The following NOS1AP variants were observed in gnomAD, a reference collection of about 807,000 sequenced individuals.
NOS1AP encodes nitric oxide synthase 1 adaptor protein.
A neutral mutation model predicts 56.2 loss-of-function variants in NOS1AP; 21 were observed. That is an observed-to-expected ratio of 0.37 (90% CI 0.26 to 0.54). The LOEUF is 0.54. Ranked by LOEUF, NOS1AP falls within the 20% of genes least tolerant of loss-of-function variation. The pLI is 0.84. For synonymous variants in NOS1AP, 270 were observed against 274.6 expected (o/e 0.98, Z 0.17); for missense variants, 522 against 657.8 (o/e 0.79, Z 2.26).
chr1:162,348,216 T>C (rs1657366229), intron 6 of NOS1AP, among the ~76,000 whole-genome samples: 2 of 152,242 alleles, frequency 1.3e-5, no homozygotes, highest in Admixed American at 1.3e-4. Context: ...GTTTGTTAAA[T>C]GCTTACTGTA....
chr1:162,170,932 C>T (rs1650747154), intron 2 of NOS1AP, among the ~76,000 whole-genome samples: 1 of 146,682 alleles, frequency 6.8e-6, no homozygotes, highest in Non-Finnish European at 1.5e-5. Flanking sequence ...AAGAGTGAAA[C>T]TCCATCTCAA....
intron 6 of NOS1AP, among the ~76,000 whole-genome samples, chr1:162,351,802 T>C (rs1657506134): frequency 6.6e-6 from 1 of 152,182 alleles, no homozygotes; most frequent in South Asian, 2.1e-4. Flanking sequence ...TTGTCTGTAC[T>C]CACTGTCTAT....
chr1:162,177,037 G>A (rs1651085776), intron 2 of NOS1AP, among the ~76,000 whole-genome samples: 2 of 152,082 alleles, frequency 1.3e-5, no homozygotes. Context: ...ATTCTACCTG[G>A]ACAATGTCAG....
chr1:162,261,720 T>G (rs1213059185), intron 2 of NOS1AP, among the ~76,000 whole-genome samples: 1 of 152,198 alleles, frequency 6.6e-6, no homozygotes, highest in East Asian at 1.9e-4. Context: ...AGAATCATTT[T>G]AGACTTCTGA....
intron 2 of NOS1AP, among the ~76,000 whole-genome samples, chr1:162,156,711 T>G (rs1571074457): frequency 6.6e-6 from 1 of 152,234 alleles, no homozygotes; most frequent in East Asian, 1.9e-4. Context: ...TAGGAATAGC[T>G]ACTTATGTGC....
intron 1 of NOS1AP, among the ~76,000 whole-genome samples, chr1:162,130,046 C>G (rs1648681471): frequency 6.6e-6 from 1 of 152,178 alleles, no homozygotes; most frequent in African/African-American, 2.4e-5. Flanking sequence ...GACTTTCTAT[C>G]TTTCTTAGTA....
At chr1:162,269,252 A>G (rs926746842) in intron 2 of NOS1AP, among the ~76,000 whole-genome samples, 4 of 152,212 alleles carry the variant, frequency 2.6e-5, no homozygotes, top group African/African-American at 9.7e-5. Context: ...AAGATAAAAT[A>G]TCCCTTACAG....
intron 2 of NOS1AP, among the ~76,000 whole-genome samples, chr1:162,219,398 G>C (rs1319554130): frequency 6.6e-6 from 1 of 152,152 alleles, no homozygotes; most frequent in African/African-American, 2.4e-5. Context: ...CAGGCCCCAA[G>C]AATCTGGTCC....
At chr1:162,324,416 CTTTTTTTTTTTTTTT>C (rs35946766) in intron 4 of NOS1AP, among the ~76,000 whole-genome samples, 12 of 72,168 alleles carry the variant, frequency 1.7e-4, no homozygotes, top group Admixed American at 1.1e-3. Context: ...GGACACTAGC[CTTTTTTTTTTTTTTT>C]TTTTTTTTTT....
At chr1:162,201,964 G>A (rs1652007137) in intron 2 of NOS1AP, among the ~76,000 whole-genome samples, 1 of 152,200 alleles carries the variant, frequency 6.6e-6, no homozygotes, top group South Asian at 2.1e-4. Context: ...ACACATTGCA[G>A]TGTGTTCAGA....
intron 4 of NOS1AP, among the ~76,000 whole-genome samples, chr1:162,314,190 C>T (rs1321312407): frequency 2.0e-5 from 3 of 152,186 alleles, no homozygotes; most frequent in Admixed American, 6.6e-5. Context: ...GTTATCACAG[C>T]CCCCAGGGCA....
At chr1:162,127,974 T>G (rs12139560) in intron 1 of NOS1AP, among the ~76,000 whole-genome samples, 69,944 of 152,070 alleles carry the variant, frequency 0.46, 19,633 homozygotes, top group Non-Finnish European at 0.63. Context: ...ATGTTTTTTT[T>G]TGTTTTGCTA....
At chr1:162,251,869 G>GTTTTTTTT (rs57313228) in intron 2 of NOS1AP, among the ~76,000 whole-genome samples, 16 of 82,126 alleles carry the variant, frequency 1.9e-4, no homozygotes, top group South Asian at 5.5e-4. Flanking sequence ...TTTTTTTTTT[G>GTTTTTTTT]TTTTTTTTTT....
intron 2 of NOS1AP, among the ~76,000 whole-genome samples, chr1:162,230,628 C>T (rs945130303): frequency 5.9e-5 from 9 of 152,210 alleles, no homozygotes; most frequent in Admixed American, 4.6e-4. Flanking sequence ...TGAAACTCTA[C>T]ACCCATTAAA....
intron 1 of NOS1AP, among the ~76,000 whole-genome samples, chr1:162,105,673 G>T (rs2102035562): frequency 6.6e-6 from 1 of 152,346 alleles, no homozygotes; most frequent in South Asian, 2.1e-4. Flanking sequence ...GCTTAAAGAA[G>T]AAGTCTGGCC....
At chr1:162,191,394 G>C (rs1651642251) in intron 2 of NOS1AP, among the ~76,000 whole-genome samples, 1 of 152,106 alleles carries the variant, frequency 6.6e-6, no homozygotes, top group African/African-American at 2.4e-5. Context: ...AGTGTTTTCT[G>C]TGCACTATGG....
chr1:162,303,679 C>T (rs531464312), intron 4 of NOS1AP, among the ~76,000 whole-genome samples: 3 of 152,194 alleles, frequency 2.0e-5, no homozygotes, highest in South Asian at 2.1e-4. Context: ...TGAGCTCAAG[C>T]GAACCTTCCA....
intron 1 of NOS1AP, among the ~76,000 whole-genome samples, chr1:162,079,364 A>G (rs957808681): frequency 7.2e-5 from 11 of 152,176 alleles, no homozygotes; most frequent in African/African-American, 2.7e-4. Context: ...AACATTTTCA[A>G]CTTGTTTTCT....
At chr1:162,209,495 CT>C (rs1221524405) in intron 2 of NOS1AP, among the ~76,000 whole-genome samples, 1 of 152,136 alleles carries the variant, frequency 6.6e-6, no homozygotes, top group Non-Finnish European at 1.5e-5. Context: ...CTTGGGTGTT[CT>C]GCTAAGTGTC....
Sources: gnomAD v4.1 joint callset for allele counts (sites outside exome capture counted in the v4.1 genomes callset) on GRCh38, gnomAD v4.1.1 for gene constraint, MANE v1.5 for transcripts, NCBI Gene and HGNC (gene_info 2026-07-23, HGNC 2026-07-21) for gene names.